Variants in STIM1 observed in about 807,000 individuals in gnomAD.
The protein encoded by STIM1 is stromal interaction molecule 1.
A neutral mutation model predicts 74.7 loss-of-function variants in STIM1; 25 were observed. That is an observed-to-expected ratio of 0.33 (90% CI 0.24 to 0.47). STIM1 has a LOEUF of 0.47. Ranked by LOEUF, STIM1 falls within the 20% of genes least tolerant of loss-of-function variation. The pLI is 1.00. For missense variants in STIM1, 728 were observed against 920.8 expected, an observed-to-expected ratio of 0.79 and a Z score of 2.71; for synonymous variants, 328 against 348.8, an observed-to-expected ratio of 0.94 and a Z score of 0.66.
chr11:4,020,152 G>T (rs1334536151), intron 2 of STIM1, among the ~76,000 whole-genome samples: 1 of 152,150 alleles, frequency 6.6e-6, no homozygotes, highest in Non-Finnish European at 1.5e-5. Flanking sequence ...TGGCTGAATG[G>T]TATGCTGTTG....
intron 1 of STIM1, among the ~76,000 whole-genome samples, chr11:3,869,257 C>G (rs2090986087): frequency 6.6e-6 from 1 of 152,358 alleles, no homozygotes; most frequent in African/African-American, 2.4e-5. Flanking sequence ...GCGTGAGCCA[C>G]CGCACCTGGC....
At chr11:4,076,485 CAAAAAAAAAA>C (rs58804386) in intron 7 of STIM1, among the ~76,000 whole-genome samples, 8 of 40,760 alleles carry the variant, frequency 2.0e-4, no homozygotes, top group East Asian at 1.7e-3. Flanking sequence ...GACTCCATCT[CAAAAAAAAAA>C]AAAAAAAAAA....
chr11:3,872,764 T>A (rs1367488644), intron 1 of STIM1, among the ~76,000 whole-genome samples: 5 of 151,922 alleles, frequency 3.3e-5, no homozygotes, highest in Non-Finnish European at 5.9e-5. Context: ...CTCATGATCC[T>A]CCCACCTCAG....
intron 9 of STIM1, 85 bp downstream of exon 9, chr11:4,083,067 A>G (rs2094473658): frequency 1.6e-6 from 2 of 1,275,950 alleles, no homozygotes; most frequent in Non-Finnish European, 2.3e-6. Context: ...CACCAATTCC[A>G]TTTCCTCATT....
At chr11:4,059,961 C>A (rs1165856471) in intron 5 of STIM1, among the ~76,000 whole-genome samples, 1 of 152,152 alleles carries the variant, frequency 6.6e-6, no homozygotes, top group Non-Finnish European at 1.5e-5. Context: ...AGCATATCAG[C>A]AGGTTTATAT....
chr11:4,067,415 G>A (rs1187233544), intron 5 of STIM1, among the ~76,000 whole-genome samples: 1 of 152,176 alleles, frequency 6.6e-6, no homozygotes, highest in Non-Finnish European at 1.5e-5. Context: ...TTGTGTGGGG[G>A]AAAACTCAGG....
intron 1 of STIM1, chr11:3,888,061 C>G (rs1362520038): frequency 6.6e-6 from 1 of 151,988 alleles, no homozygotes; most frequent in Non-Finnish European, 1.5e-5. Flanking sequence ...CTGCAGAAGG[C>G]TCTTCCCTGT....
intron 1 of STIM1, among the ~76,000 whole-genome samples, chr11:3,907,227 T>A (rs1048668950): frequency 6.6e-6 from 1 of 152,176 alleles, no homozygotes; most frequent in African/African-American, 2.4e-5. Context: ...CAGTTACTAT[T>A]CACTGGGAGC....
rs567347529 is a variant in STIM1, at chr11:4,085,830, A to G, written c.1568-647A>G. Among the ~76,000 whole-genome samples, 30 of 152,330 alleles carry G rather than the reference A, an allele frequency of 2.0e-4. 1 individual carries two copies. In the South Asian group the frequency reaches 5.6e-3, roughly 28 times the overall value. ...TCAACCTCTAGTGTTTGGTATTCCAAAGCTCAAGGCTAGTACCTATAATTC... is the reference window on the plus strand; with the variant it reads ...TCAACCTCTAGTGTTTGGTATTCCAGAGCTCAAGGCTAGTACCTATAATTC... On this transcript the variant is annotated intron_variant, in intron 11 of 12. Coordinates refer to ENST00000526596, the MANE Select transcript of STIM1 (RefSeq NM_001382567.1).
chr11:3,971,309 C>G (rs1276228393), intron 2 of STIM1, among the ~76,000 whole-genome samples: 1 of 151,440 alleles, frequency 6.6e-6, no homozygotes, highest in Non-Finnish European at 1.5e-5. Context: ...GCGGGTGGAT[C>G]ACGAGGTCAG....
At chr11:4,030,972 A>G (rs2132923316) in intron 3 of STIM1, among the ~76,000 whole-genome samples, 1 of 152,330 alleles carries the variant, frequency 6.6e-6, no homozygotes, top group Non-Finnish European at 1.5e-5. Flanking sequence ...ATTTTGGTAC[A>G]TGTATACAAT....
chr11:3,867,176 A>G lies in STIM1; in HGVS notation c.139+10767A>G, dbSNP rs1475668081. ...TTTTCTGAGGAGTTCTGTAGGGATT[A>G]TTTTTCTGCCTGACCTAGTACTTCA... On this transcript the variant is annotated intron_variant, in intron 1 of 12. Transcript: ENST00000526596. 3 of 152,118 alleles carry G rather than the reference A, an allele frequency of 2.0e-5. No homozygotes were observed. In the East Asian group the frequency reaches 5.8e-4, roughly 29 times the overall value. The allele number at this position is 152,118 out of a possible 1,614,324, so 9.4% of individuals were successfully genotyped here. A position where few individuals can be genotyped will look rare whatever the true frequency, so the allele number is the denominator to read the frequency against.
intron 1 of STIM1, among the ~76,000 whole-genome samples, chr11:3,948,863 T>C (rs568157178): frequency 1.3e-5 from 2 of 152,332 alleles, no homozygotes; most frequent in East Asian, 3.9e-4. Flanking sequence ...AAGCATCTAC[T>C]ATATGCCAGG....
intron 6 of STIM1, 113 bp downstream of exon 6, chr11:4,070,316 G>C (rs538282893): frequency 1.1e-5 from 13 of 1,223,568 alleles, no homozygotes; most frequent in South Asian, 5.1e-5. Context: ...TGGCAGCCCA[G>C]GCTGCATCAT....
chr11:3,870,488 C>T (rs1357388558), intron 1 of STIM1, among the ~76,000 whole-genome samples: 1 of 152,148 alleles, frequency 6.6e-6, no homozygotes. Flanking sequence ...CTATAATACT[C>T]TTTTTACTTT....
At position 3,906,161 on chromosome 11, in the gene STIM1, G is replaced by A. The variant is rs535740599; in HGVS notation, c.139+49752G>A. 3.2e-4 allele frequency among the ~76,000 whole-genome samples: 48 copies of A among 152,354 alleles called. No homozygotes were observed. In the South Asian group the frequency reaches 6.2e-3, roughly 20 times the overall value. ...GCTTATCCTTTTTGACAAACTACTC[G>A]TGAGGAATTGCTGAGCTGTAGGATG... On this transcript the variant is annotated intron_variant, in intron 1 of 12. Transcript: ENST00000526596.
rs1373843827 is a variant in STIM1, at chr11:3,967,495, G to A, written c.140-57G>A. On this transcript the variant is annotated intron_variant, in intron 1 of 12. Coordinates refer to ENST00000526596, the MANE Select transcript of STIM1 (RefSeq NM_001382567.1). ...AAGCTAAGGATGCTGACACAGGTGGGTGATAGGTTCTGGGTGGCAGCTCTG... is the reference window on the plus strand; with the variant it reads ...AAGCTAAGGATGCTGACACAGGTGGATGATAGGTTCTGGGTGGCAGCTCTG... 6 of 1,612,918 alleles carry A rather than the reference G, an allele frequency of 3.7e-6. No individual in the cohort carries two copies. The East Asian group carries it at 8.9e-5, about 24-fold the overall frequency.
chr11:3,904,769 AAG>A (rs996361884), intron 1 of STIM1, among the ~76,000 whole-genome samples: 34 of 152,204 alleles, frequency 2.2e-4, no homozygotes, highest in African/African-American at 3.6e-4. Context: ...CATGGAATAC[AAG>A]AGAGAGAGCC....
intron 10 of STIM1, 112 bp from the exon 11 acceptor site, chr11:4,084,561 C>A: frequency 1.2e-6 from 1 of 818,584 alleles, no homozygotes; most frequent in Non-Finnish European, 1.8e-6. Context: ...CCTTAATTAG[C>A]TCTGAGCTAC....
Sources: gnomAD v4.1 joint callset for allele counts (sites outside exome capture counted in the v4.1 genomes callset) on GRCh38, gnomAD v4.1.1 for gene constraint, MANE v1.5 for transcripts, NCBI Gene and HGNC (gene_info 2026-07-23, HGNC 2026-07-21) for gene names.